WDR7: variants seen among roughly 807,000 people sequenced by gnomAD.
WDR7 encodes WD repeat domain 7, also known as WD repeat-containing protein 7.
In WDR7, 46 loss-of-function variants were observed where a neutral mutation model predicts 169.4. The ratio of observed to expected loss-of-function variants is 0.27; its 90% CI spans 0.21 to 0.35. The LOEUF is 0.35. WDR7 is among the 10% of genes least tolerant of loss of function. The pLI is 1.00. For synonymous variants in WDR7, 612 were observed against 666.8 expected, an observed-to-expected ratio of 0.92 and a Z score of 1.27; for missense variants, 1,534 against 1,859.3, an observed-to-expected ratio of 0.83 and a Z score of 3.22.
intron 20 of WDR7, among the ~76,000 whole-genome samples, chr18:56,869,021 C>A (rs2045919755): frequency 6.6e-6 from 1 of 151,948 alleles, no homozygotes; most frequent in Admixed American, 6.6e-5. Context: ...TAAGATGATG[C>A]AGATGGTAGG....
At chr18:56,818,181 T>A (rs938606556) in intron 20 of WDR7, among the ~76,000 whole-genome samples, 10 of 152,226 alleles carry the variant, frequency 6.6e-5, no homozygotes, top group Admixed American at 3.3e-4. Flanking sequence ...GTTGTTTAAG[T>A]CATAGCAAAA....
At chr18:56,673,211 A>C (rs1443883364) in intron 2 of WDR7, among the ~76,000 whole-genome samples, 1 of 151,828 alleles carries the variant, frequency 6.6e-6, no homozygotes, top group Admixed American at 6.6e-5. Flanking sequence ...GTCTAATTCC[A>C]ACATAACACC....
chr18:56,951,832 A>T, intron 25 of WDR7, among the ~76,000 whole-genome samples: 1 of 152,160 alleles, frequency 6.6e-6, no homozygotes, highest in Non-Finnish European at 1.5e-5. Context: ...GGACCCCTTT[A>T]AACTCTTAAA....
At chr18:56,947,267 C>T (rs989990387) in intron 25 of WDR7, among the ~76,000 whole-genome samples, 5 of 152,122 alleles carry the variant, frequency 3.3e-5, no homozygotes, top group African/African-American at 1.2e-4. Flanking sequence ...ATAGGAAGCA[C>T]AATAAGGTAA....
At chr18:56,916,418 T>G (rs906506533) in intron 21 of WDR7, among the ~76,000 whole-genome samples, 1 of 152,298 alleles carries the variant, frequency 6.6e-6, no homozygotes, top group African/African-American at 2.4e-5. Context: ...GTTTCCAGCT[T>G]CATCCATATC....
intron 19 of WDR7, among the ~76,000 whole-genome samples, chr18:56,795,903 T>C (rs2044576800): frequency 6.6e-6 from 1 of 152,244 alleles, no homozygotes; most frequent in African/African-American, 2.4e-5. Context: ...TACATTCATT[T>C]GTTTCATTTT....
intron 20 of WDR7, among the ~76,000 whole-genome samples, chr18:56,876,263 A>G (rs769535460): frequency 1.1e-4 from 17 of 152,268 alleles, no homozygotes; most frequent in Middle Eastern, 3.4e-3. Context: ...TAATCAACAT[A>G]TAGCGCAAAG....
At chr18:57,019,229 A>G (rs1235304936) in intron 26 of WDR7, among the ~76,000 whole-genome samples, 1 of 152,178 alleles carries the variant, frequency 6.6e-6, no homozygotes. Flanking sequence ...AGCAAGCAGG[A>G]GTAACAAAAA....
intron 25 of WDR7, among the ~76,000 whole-genome samples, chr18:56,958,474 G>A (rs549011017): frequency 4.6e-5 from 7 of 151,828 alleles, no homozygotes; most frequent in Middle Eastern, 3.4e-3. Context: ...TTTTTTTCCA[G>A]GACAACATTT....
At chr18:56,676,339 G>A (rs2025243637) in intron 2 of WDR7, among the ~76,000 whole-genome samples, 1 of 152,134 alleles carries the variant, frequency 6.6e-6, no homozygotes, top group Non-Finnish European at 1.5e-5. Context: ...TCTGTCTTTT[G>A]ATCGGAGAGT....
intron 26 of WDR7, among the ~76,000 whole-genome samples, chr18:57,003,536 G>A (rs1376104419): frequency 6.6e-6 from 1 of 151,852 alleles, no homozygotes; most frequent in East Asian, 1.9e-4. Flanking sequence ...AATATAGAAT[G>A]AACAAAACCA....
chr18:56,697,583 CAT>C (rs2025731652), intron 12 of WDR7, among the ~76,000 whole-genome samples: 1 of 151,750 alleles, frequency 6.6e-6, no homozygotes, highest in African/African-American at 2.4e-5. Flanking sequence ...AATTTTATGT[CAT>C]ATTTTGGTGA....
intron 14 of WDR7, among the ~76,000 whole-genome samples, chr18:56,733,593 G>A (rs563235819): frequency 6.6e-5 from 10 of 152,242 alleles, no homozygotes; most frequent in African/African-American, 2.4e-4. Context: ...GGGCTATATG[G>A]AAGTAACAGA....
chr18:56,789,596 G>T (rs1463810445), intron 19 of WDR7, among the ~76,000 whole-genome samples: 4 of 152,246 alleles, frequency 2.6e-5, no homozygotes, highest in Non-Finnish European at 4.4e-5. Context: ...AGTCCATCCA[G>T]TGTGATTTTC....
chr18:56,653,521 T>C (rs2024701366), intron 1 of WDR7, among the ~76,000 whole-genome samples: 1 of 152,236 alleles, frequency 6.6e-6, no homozygotes, highest in Non-Finnish European at 1.5e-5. Flanking sequence ...TCATTGTTTT[T>C]TGTTTCTAAT....
rs536107021 is a variant in WDR7, at chr18:56,672,452, C to T, written c.-19-45C>T. ...ATAACAAAAATATATAACATGTTTT[C>T]GAGAGAAATATTGTAATATCTGACA... On this transcript the variant is annotated intron_variant, in intron 1 of 27. Transcript: ENST00000254442. 1.0e-4 allele frequency: 134 copies of T among 1,308,994 alleles called. No homozygotes were observed. The African/African-American group carries it at 1.1e-3, about 11-fold the overall frequency. 81.1% of individuals were successfully genotyped at this position (1,308,994 alleles called of 1,614,324 possible). A position where few individuals can be genotyped will look rare whatever the true frequency, so the allele number is the denominator to read the frequency against.
At chr18:56,960,767 C>G (rs2145769269) in intron 25 of WDR7, among the ~76,000 whole-genome samples, 1 of 152,200 alleles carries the variant, frequency 6.6e-6, no homozygotes, top group South Asian at 2.1e-4. Context: ...CACTCTTTCT[C>G]TTAAGGTAGA....
chr18:56,660,974 A>G (rs755718247), intron 1 of WDR7, among the ~76,000 whole-genome samples: 10 of 152,180 alleles, frequency 6.6e-5, no homozygotes, highest in Non-Finnish European at 1.5e-4. Context: ...TAAAATGGAA[A>G]TGGAGAGCTG....
chr18:56,902,669 A>G (rs1009899732), intron 21 of WDR7, among the ~76,000 whole-genome samples: 1 of 152,152 alleles, frequency 6.6e-6, no homozygotes, highest in Non-Finnish European at 1.5e-5. Context: ...GGCTCATCCT[A>G]ATAGTAAATT....
Sources: allele counts gnomAD v4.1 joint callset (sites outside exome capture counted in the v4.1 genomes callset), GRCh38; gene constraint gnomAD v4.1.1; transcripts MANE v1.5; gene names NCBI Gene and HGNC (gene_info 2026-07-23, HGNC 2026-07-21).